The following VSTM2L variants were observed in gnomAD, a reference collection of about 807,000 sequenced individuals.
The protein encoded by VSTM2L is V-set and transmembrane domain-containing protein 2-like protein.
A neutral mutation model predicts 19.9 loss-of-function variants in VSTM2L; 9 were observed. The observed-to-expected ratio is 0.45, with a 90% CI of 0.27 to 0.79. The LOEUF is 0.79. VSTM2L is among the 30% of genes least tolerant of loss of function. The probability of loss-of-function intolerance (pLI) is 0.15; values close to 1 mark genes in which losing one functional copy is unlikely to be tolerated. For missense variants in VSTM2L, 286 were observed against 295.5 expected (o/e 0.97, Z 0.24); for synonymous variants, 127 against 133.8 (o/e 0.95, Z 0.35).
chr20:37,910,008 G>A (rs535380181), intron 1 of VSTM2L, among the ~76,000 whole-genome samples: 56 of 152,222 alleles, frequency 3.7e-4, no homozygotes, highest in Admixed American at 1.0e-3. Flanking sequence ...AAGCCATCAG[G>A]GCGTCCCTGG....
intron 3 of VSTM2L, among the ~76,000 whole-genome samples, chr20:37,941,133 G>T (rs922808071): frequency 1.3e-5 from 2 of 152,206 alleles, no homozygotes; most frequent in African/African-American, 2.4e-5. Flanking sequence ...TTTACGGAGT[G>T]CTGGGCTCTG....
intron 1 of VSTM2L, among the ~76,000 whole-genome samples, chr20:37,925,446 G>A (rs1385059829): frequency 2.6e-5 from 4 of 152,158 alleles, no homozygotes; most frequent in Non-Finnish European, 5.9e-5. Flanking sequence ...GCAGAAACAG[G>A]CTCCGTCCTC....
chr20:37,910,928 A>G (rs1203302046), intron 1 of VSTM2L, among the ~76,000 whole-genome samples: 3 of 151,100 alleles, frequency 2.0e-5, no homozygotes, highest in Non-Finnish European at 4.4e-5. Flanking sequence ...TAAAAAAAAA[A>G]AAAAGAAAAA....
chr20:37,909,330 A>C (rs1032727229), intron 1 of VSTM2L, among the ~76,000 whole-genome samples: 1 of 152,124 alleles, frequency 6.6e-6, no homozygotes, highest in African/African-American at 2.4e-5. Context: ...TTGGGGACCA[A>C]ACCAGCTGCT....
chr20:37,933,178 AGAGT>A (rs749262098), intron 2 of VSTM2L, among the ~76,000 whole-genome samples: 8 of 143,612 alleles, frequency 5.6e-5, no homozygotes, highest in Non-Finnish European at 1.0e-4. Flanking sequence ...ACACACTCTC[AGAGT>A]GACTCAAGGG....
At position 37,925,937 on chromosome 20, in the gene VSTM2L, C is replaced by T. The variant is rs531296682; in HGVS notation, c.122-5698C>T. The stretch of plus-strand genomic sequence containing the variant: ...AACACCTCCTCCAGGAAGCCTTTCC[C>T]GATTGCCTCCAGCTGGGTGAAATGC... On this transcript the variant is annotated intron_variant, in intron 1 of 3. Coordinates refer to ENST00000373461, the MANE Select transcript of VSTM2L (RefSeq NM_080607.3). Among the ~76,000 whole-genome samples, 265 of 152,350 alleles carry T rather than the reference C, an allele frequency of 1.7e-3. 3 individuals are homozygous for T. Among genetic ancestry groups the T allele is most frequent in the Non-Finnish European group, 3.0e-3 (205 of 68,028 alleles).
chr20:37,917,749 C>T (rs1280685261), intron 1 of VSTM2L, among the ~76,000 whole-genome samples: 2 of 152,206 alleles, frequency 1.3e-5, no homozygotes, highest in Non-Finnish European at 2.9e-5. Context: ...GTGGGTAGAG[C>T]ACAGTCTGAG....
At chr20:37,909,901 A>T (rs2072770411) in intron 1 of VSTM2L, among the ~76,000 whole-genome samples, 1 of 152,168 alleles carries the variant, frequency 6.6e-6, no homozygotes, top group Non-Finnish European at 1.5e-5. Flanking sequence ...CCTGGTTCCC[A>T]CTGCTCCAGA....
At chr20:37,931,519 C>T (rs2072908674) in intron 1 of VSTM2L, 116 bp from the exon 2 acceptor site, 1 of 1,140,004 alleles carries the variant, frequency 8.8e-7, no homozygotes, top group Non-Finnish European at 1.3e-6. Flanking sequence ...TCACCCCACC[C>T]CCTCCACCCA....
At chr20:37,932,761 A>G (rs1600572192) in intron 2 of VSTM2L, among the ~76,000 whole-genome samples, 1 of 152,106 alleles carries the variant, frequency 6.6e-6, no homozygotes, top group South Asian at 2.1e-4. Flanking sequence ...TCTTGGAGGA[A>G]CTCCATCTGA....
intron 1 of VSTM2L, among the ~76,000 whole-genome samples, chr20:37,918,227 G>A (rs2072830801): frequency 6.6e-6 from 1 of 152,206 alleles, no homozygotes; most frequent in Admixed American, 6.5e-5. Flanking sequence ...CCCAGCAGGA[G>A]CAAGGCTTGG....
intron 1 of VSTM2L, among the ~76,000 whole-genome samples, chr20:37,904,628 G>A (rs2072741272): frequency 6.6e-6 from 1 of 152,268 alleles, no homozygotes. Flanking sequence ...CCTTGTTGGG[G>A]AGGCTGCAGC....
chr20:37,907,526 A>G (rs556299408), intron 1 of VSTM2L, among the ~76,000 whole-genome samples: 3 of 152,284 alleles, frequency 2.0e-5, no homozygotes, highest in East Asian at 1.9e-4. Context: ...GTCTGACGCT[A>G]TGGACTGGCT....
At chr20:37,932,729 T>G (rs1373980987) in intron 2 of VSTM2L, among the ~76,000 whole-genome samples, 1 of 152,216 alleles carries the variant, frequency 6.6e-6, no homozygotes, top group East Asian at 1.9e-4. Context: ...ATAAACTACT[T>G]GACCTTTGTC....
At chr20:37,928,038 T>A (rs2072888208) in intron 1 of VSTM2L, among the ~76,000 whole-genome samples, 1 of 152,110 alleles carries the variant, frequency 6.6e-6, no homozygotes, top group South Asian at 2.1e-4. Context: ...GTGGAGGCAC[T>A]CTCTGATTTC....
chr20:37,935,796 G>T (rs2072936326), intron 3 of VSTM2L, among the ~76,000 whole-genome samples: 1 of 152,028 alleles, frequency 6.6e-6, no homozygotes, highest in Non-Finnish European at 1.5e-5. Context: ...CTGGCATGGT[G>T]TAGTAGGTAC....
chr20:37,935,928 A>T (rs1034492147), intron 3 of VSTM2L, among the ~76,000 whole-genome samples: 4 of 146,186 alleles, frequency 2.7e-5, no homozygotes, highest in African/African-American at 1.0e-4. Flanking sequence ...GTTGTCACCC[A>T]GGCTGGAGTG....
At chr20:37,920,663 C>T (rs137868181) in intron 1 of VSTM2L, among the ~76,000 whole-genome samples, 1 of 152,218 alleles carries the variant, frequency 6.6e-6, no homozygotes, top group Non-Finnish European at 1.5e-5. Context: ...CCTGCCAAGC[C>T]TCACTTAGGA....
At chr20:37,921,695 A>C (rs1439968390) in intron 1 of VSTM2L, among the ~76,000 whole-genome samples, 1 of 151,682 alleles carries the variant, frequency 6.6e-6, no homozygotes, top group African/African-American at 2.4e-5. Context: ...GGGAACTGAG[A>C]GAGGGTGGGG....
Sources: allele counts gnomAD v4.1 joint callset (sites outside exome capture counted in the v4.1 genomes callset), GRCh38; gene constraint gnomAD v4.1.1; transcripts MANE v1.5; gene names NCBI Gene and HGNC (gene_info 2026-07-23, HGNC 2026-07-21).